The following SPAG16 variants were observed in gnomAD, a reference collection of about 807,000 sequenced individuals.
SPAG16 encodes sperm-associated antigen 16 protein.
In SPAG16, 86 loss-of-function variants were observed where a neutral mutation model predicts 80.4. The ratio of observed to expected loss-of-function variants is 1.07; its 90% CI spans 0.90 to 1.28. SPAG16 has a LOEUF of 1.28. Ranked by LOEUF, SPAG16 falls within the 50% of genes most tolerant of loss-of-function variation. The pLI is 0.00. For missense variants in SPAG16, 870 were observed against 765.3 expected (o/e 1.14, Z -1.61); for synonymous variants, 294 against 265.9 (o/e 1.11, Z -1.03).
intron 10 of SPAG16, among the ~76,000 whole-genome samples, chr2:213,502,291 A>G (rs570481046): frequency 6.7e-6 from 1 of 149,704 alleles, no homozygotes; most frequent in East Asian, 2.0e-4. Context: ...TATTTAAAAA[A>G]TTTTTTTTTT....
At chr2:213,416,048 C>G (rs1403019679) in intron 9 of SPAG16, among the ~76,000 whole-genome samples, 1 of 152,130 alleles carries the variant, frequency 6.6e-6, no homozygotes, top group East Asian at 1.9e-4. Flanking sequence ...AGTAGAAGGC[C>G]AGAAGGGACA....
At chr2:213,929,598 A>G (rs1402271026) in intron 11 of SPAG16, among the ~76,000 whole-genome samples, 1 of 151,276 alleles carries the variant, frequency 6.6e-6, no homozygotes, top group East Asian at 2.0e-4. Flanking sequence ...GATTTAGCCC[A>G]TGTCTGAATC....
chr2:214,351,791 T>C (rs79375345), intron 15 of SPAG16, among the ~76,000 whole-genome samples: 9,721 of 151,520 alleles, frequency 0.064, 1,028 homozygotes, highest in African/African-American at 0.22. Flanking sequence ...TTTTAGTTTT[T>C]AGATTTTTTA....
At chr2:213,588,753 G>A (rs2060563592) in intron 10 of SPAG16, among the ~76,000 whole-genome samples, 1 of 128,222 alleles carries the variant, frequency 7.8e-6, no homozygotes, top group Non-Finnish European at 1.6e-5. Flanking sequence ...AGTGAGCCGA[G>A]ATTGCGCCAC....
Position 213,672,820 on chromosome 2 carries a change from A to C in SPAG16, c.1070+182730A>C, listed in dbSNP as rs150425637. On this transcript the variant is annotated intron_variant, in intron 10 of 15. Coordinates refer to ENST00000331683, the MANE Select transcript of SPAG16 (RefSeq NM_024532.5). ...AGTTCTAAATAACTAATTTTCATCA[A>C]TGATCAGTTTTTTTTTGTTTGTTTG... Among the ~76,000 whole-genome samples, 5 of 149,512 alleles carry C rather than the reference A, an allele frequency of 3.3e-5. No individual in the cohort carries two copies. In the East Asian group the frequency reaches 9.7e-4, roughly 29 times the overall value.
intron 13 of SPAG16, among the ~76,000 whole-genome samples, chr2:214,039,818 A>G (rs1440335126): frequency 6.6e-6 from 1 of 152,246 alleles, no homozygotes; most frequent in African/African-American, 2.4e-5. Flanking sequence ...GCCATACCAC[A>G]GTGAGATAGA....
intron 12 of SPAG16, among the ~76,000 whole-genome samples, chr2:213,938,092 CT>C (rs2106276798): frequency 6.6e-6 from 1 of 151,748 alleles, no homozygotes; most frequent in African/African-American, 2.4e-5. Context: ...TAAAGATATT[CT>C]GATAAAAGCG....
At chr2:213,924,367 C>G (rs774902563) in intron 11 of SPAG16, among the ~76,000 whole-genome samples, 5 of 152,190 alleles carry the variant, frequency 3.3e-5, no homozygotes, top group African/African-American at 1.2e-4. Context: ...GGAGCTCTCA[C>G]TCTCTCACCC....
intron 10 of SPAG16, among the ~76,000 whole-genome samples, chr2:213,723,111 C>T (rs763981186): frequency 7.9e-5 from 12 of 152,066 alleles, no homozygotes; most frequent in Admixed American, 2.6e-4. Flanking sequence ...TCCTCCAGCC[C>T]GGATTTTCTC....
At chr2:213,441,614 G>C (rs1447357941) in intron 9 of SPAG16, among the ~76,000 whole-genome samples, 2 of 152,102 alleles carry the variant, frequency 1.3e-5, no homozygotes, top group African/African-American at 4.8e-5. Flanking sequence ...ACATAGATTT[G>C]TGCACTTTTT....
chr2:213,368,127 G>T (rs879576933), intron 8 of SPAG16, among the ~76,000 whole-genome samples: 2 of 151,926 alleles, frequency 1.3e-5, no homozygotes, highest in African/African-American at 2.4e-5. Flanking sequence ...TGAGGGCTCT[G>T]TTCTGTTCCA....
chr2:213,553,579 G>A (rs1317287150), intron 10 of SPAG16, among the ~76,000 whole-genome samples: 1 of 152,120 alleles, frequency 6.6e-6, no homozygotes, highest in Non-Finnish European at 1.5e-5. Context: ...AAGTAGAGGT[G>A]CTCCTTTCTC....
At chr2:213,597,219 T>C (rs1459757588) in intron 10 of SPAG16, among the ~76,000 whole-genome samples, 1 of 152,160 alleles carries the variant, frequency 6.6e-6, no homozygotes, top group Admixed American at 6.5e-5. Flanking sequence ...CACATGTTGA[T>C]TGGTAATTCA....
intron 14 of SPAG16, among the ~76,000 whole-genome samples, chr2:214,112,926 T>C (rs1400562129): frequency 6.6e-6 from 1 of 152,204 alleles, no homozygotes. Context: ...TCGATGGTCT[T>C]TACAATTTGG....
chr2:214,142,736 A>G (rs1409230257), intron 14 of SPAG16, among the ~76,000 whole-genome samples: 1 of 152,198 alleles, frequency 6.6e-6, no homozygotes, highest in Non-Finnish European at 1.5e-5. Context: ...CCTTAAATGT[A>G]TAGATTAACA....
chr2:213,429,674 C>A (rs2070166756), intron 9 of SPAG16, among the ~76,000 whole-genome samples: 1 of 152,186 alleles, frequency 6.6e-6, no homozygotes, highest in Admixed American at 6.5e-5. Context: ...GCTCACCCAC[C>A]TGGTACACCA....
chr2:213,931,102 C>G lies in SPAG16; in HGVS notation c.1400+957C>G, dbSNP rs1010944199. ...TCCATGATATTTTAATGTTCTTTTC[C>G]CTTTTTTAGTTACTTAGTTAGCAAC... is the stretch of plus-strand genomic sequence containing the variant. On this transcript the variant is annotated intron_variant, in intron 12 of 15. Transcript: ENST00000331683. 4.6e-5 allele frequency among the ~76,000 whole-genome samples: 7 copies of G among 151,026 alleles called. 1 individual carries two copies. The highest frequency in any genetic ancestry group is 4.0e-4 in the Admixed American group (6 of 15,094).
intron 15 of SPAG16, among the ~76,000 whole-genome samples, chr2:214,304,912 A>G (rs1444336605): frequency 6.6e-6 from 1 of 152,194 alleles, no homozygotes; most frequent in Non-Finnish European, 1.5e-5. Flanking sequence ...TTGCTTGGTC[A>G]AATGGTATTT....
chr2:213,335,762 A>T (rs941024440), intron 5 of SPAG16, among the ~76,000 whole-genome samples: 4 of 152,166 alleles, frequency 2.6e-5, no homozygotes, highest in Non-Finnish European at 5.9e-5. Flanking sequence ...AAAGTTCACC[A>T]TGAGTATTGT....
Sources: allele counts gnomAD v4.1 joint callset (sites outside exome capture counted in the v4.1 genomes callset), GRCh38; gene constraint gnomAD v4.1.1; transcripts MANE v1.5; gene names NCBI Gene and HGNC (gene_info 2026-07-23, HGNC 2026-07-21).